Variants in TMLHE observed in about 807,000 individuals in gnomAD.
TMLHE encodes trimethyllysine dioxygenase, mitochondrial.
TMLHE carries 18 observed loss-of-function variants against 25.7 expected under a neutral mutation model. The observed-to-expected ratio is 0.70, with a 90% CI of 0.48 to 1.04. The LOEUF (loss-of-function observed/expected upper bound fraction) is 1.04, where lower values mean the gene tolerates loss of function less well. TMLHE is among the 50% of genes least tolerant of loss of function. TMLHE has a pLI of 0.00. For missense variants in TMLHE, 236 were observed against 259.0 expected (o/e 0.91, Z 0.61); for synonymous variants, 105 against 97.0 (o/e 1.08, Z -0.49).
intron 2 of TMLHE, among the ~76,000 whole-genome samples, chrX:155,541,564 A>G (rs2067312376): frequency 9.0e-6 from 1 of 111,675 alleles, no homozygotes; most frequent in African/African-American, 3.3e-5. Context: ...TATACCCAGT[A>G]ATGAGATTGC....
At chrX:155,511,877 G>A in intron 4 of TMLHE, 85 bp from the exon 5 acceptor site, 1 of 975,173 alleles carries the variant, frequency 1.0e-6, no homozygotes. Flanking sequence ...ACCTTCTTTA[G>A]TTACTCACAA....
At chrX:155,544,630 C>T (rs1557338506) in intron 2 of TMLHE, among the ~76,000 whole-genome samples, 1 of 111,934 alleles carries the variant, frequency 8.9e-6, no homozygotes, top group East Asian at 2.8e-4. Context: ...TAAAGTATTC[C>T]CTCCTGCCAA....
At chrX:155,559,689 C>G (rs2067481487) in intron 1 of TMLHE, among the ~76,000 whole-genome samples, 2 of 112,101 alleles carry the variant, frequency 1.8e-5, no homozygotes. Flanking sequence ...AGGCTTAAAG[C>G]CAAGAGTGCA....
chrX:155,556,782 C>T (rs1557340931), intron 1 of TMLHE, among the ~76,000 whole-genome samples: 1 of 110,665 alleles, frequency 9.0e-6, no homozygotes, highest in African/African-American at 3.3e-5. Context: ...AGCCTGGGAG[C>T]GCTATGGGAG....
chrX:155,548,650 G>T (rs782152004), intron 1 of TMLHE, among the ~76,000 whole-genome samples: 4 of 108,402 alleles, frequency 3.7e-5, no homozygotes, highest in Non-Finnish European at 5.7e-5. Flanking sequence ...CAGGAGAATC[G>T]CTTGAACCCA....
intron 1 of TMLHE, among the ~76,000 whole-genome samples, chrX:155,577,349 G>A (rs1489329903): frequency 1.8e-5 from 2 of 111,331 alleles, no homozygotes; most frequent in Non-Finnish European, 3.8e-5. Flanking sequence ...AGGCCAAGGC[G>A]GGTGGATTGC....
chrX:155,592,405 A>G (rs2067698765), intron 1 of TMLHE, among the ~76,000 whole-genome samples: 1 of 112,145 alleles, frequency 8.9e-6, no homozygotes, highest in Non-Finnish European at 1.9e-5. Flanking sequence ...GAAAACCCCA[A>G]AACTTGGGAA....
rs782500290 is a variant in TMLHE, at chrX:155,514,194, T to C, written c.430A>G (p.Lys144Glu). The C allele has an allele frequency of 2.5e-6, 3 of 1,211,105 alleles. No individual in the cohort carries two copies. In the East Asian group the frequency reaches 8.9e-5, roughly 36 times the overall value. The change falls in exon 4 of 8, where the codon AAA (lysine) becomes GAA (glutamate). Residue 144 changes from lysine (K) to glutamate (E), a missense_variant. Transcript: ENST00000334398. The stretch of plus-strand genomic sequence containing the variant: ...CATAGTATTCTAGGCTGGATGACTT[T>C]TTGTTTCTGCCCTTCATAGCTGTTT... ...VKNSYEGQKQ[K>E]VIQPRILWNA... is the part of the protein sequence containing the mutation.
chrX:155,510,891 T>C (rs5940461), intron 5 of TMLHE, among the ~76,000 whole-genome samples: 59,116 of 101,748 alleles, frequency 0.58, 16,560 homozygotes, highest in Middle Eastern at 0.78. Flanking sequence ...TCCTATTTCT[T>C]CACATCCTCT....
intron 2 of TMLHE, among the ~76,000 whole-genome samples, chrX:155,533,372 T>TGC (rs201401508): frequency 4.4e-4 from 27 of 61,161 alleles, no homozygotes; most frequent in Middle Eastern, 0.012. Context: ...CACACACACG[T>TGC]GCACACGCAC....
intron 1 of TMLHE, among the ~76,000 whole-genome samples, chrX:155,598,599 A>G (rs1049154414): frequency 9.3e-6 from 1 of 107,982 alleles, no homozygotes; most frequent in African/African-American, 3.4e-5. Flanking sequence ...TATACCTAAC[A>G]CTAAATGACA....
chrX:155,602,395 A>G (rs1237481105), intron 1 of TMLHE, among the ~76,000 whole-genome samples: 3 of 111,833 alleles, frequency 2.7e-5, no homozygotes, highest in Non-Finnish European at 5.6e-5. Flanking sequence ...ACCAATTAGT[A>G]AAACTTCCTC....
chrX:155,575,994 C>T (rs782505689), intron 1 of TMLHE, among the ~76,000 whole-genome samples: 1 of 111,594 alleles, frequency 9.0e-6, no homozygotes, highest in Non-Finnish European at 1.9e-5. Flanking sequence ...GGAGTCTTGG[C>T]CAGAGCAGTC....
intron 2 of TMLHE, among the ~76,000 whole-genome samples, chrX:155,534,328 G>T (rs191435664): frequency 1.8e-5 from 2 of 111,488 alleles, no homozygotes; most frequent in African/African-American, 3.3e-5. Context: ...CTGCCTCCTG[G>T]GTTCAAGCGA....
At chrX:155,504,683 A>G (rs2067066513) in intron 6 of TMLHE, among the ~76,000 whole-genome samples, 1 of 111,625 alleles carries the variant, frequency 9.0e-6, no homozygotes, top group African/African-American at 3.3e-5. Flanking sequence ...ACTCCTAGGT[A>G]TTTACCTTAG....
At chrX:155,539,896 G>T (rs1312352852) in intron 2 of TMLHE, among the ~76,000 whole-genome samples, 1 of 109,942 alleles carries the variant, frequency 9.1e-6, no homozygotes, top group Non-Finnish European at 1.9e-5. Context: ...TCTAATAATC[G>T]AATTGGAGAA....
intron 1 of TMLHE, among the ~76,000 whole-genome samples, chrX:155,592,392 T>C (rs1557346080): frequency 1.8e-5 from 2 of 112,010 alleles, no homozygotes; most frequent in Non-Finnish European, 1.9e-5. Context: ...AAAACATCTT[T>C]GTGAAAACCC....
At chrX:155,540,796 G>C (rs1435781732) in intron 2 of TMLHE, among the ~76,000 whole-genome samples, 1 of 110,960 alleles carries the variant, frequency 9.0e-6, no homozygotes, top group Non-Finnish European at 1.9e-5. Flanking sequence ...AGAAAAATTA[G>C]ACAAGAAAGA....
At chrX:155,568,887 A>C (rs1557342593) in intron 1 of TMLHE, among the ~76,000 whole-genome samples, 2 of 60,938 alleles carry the variant, frequency 3.3e-5, no homozygotes, top group East Asian at 1.4e-3. Context: ...GATGGGGAAA[A>C]AACAGAGCAG....
Sources: allele counts gnomAD v4.1 joint callset (sites outside exome capture counted in the v4.1 genomes callset), GRCh38; gene constraint gnomAD v4.1.1; transcripts MANE v1.5; gene names NCBI Gene and HGNC (gene_info 2026-07-23, HGNC 2026-07-21).